Variants in ATOSA observed in about 807,000 individuals in gnomAD.
ATOSA encodes the protein atos homolog A, also known as atos homolog protein A.
chr15:52,594,384 G>A, the ATOSA span, among the ~76,000 whole-genome samples: 2 of 152,068 alleles, frequency 1.3e-5, no homozygotes, highest in South Asian at 4.1e-4. Context: ...AAAATTTAGT[G>A]GTTATTTTCC....
chr15:52,587,022 C>T, the ATOSA span: 1 of 1,546,044 alleles, frequency 6.5e-7, no homozygotes, highest in Non-Finnish European at 8.7e-7. Flanking sequence ...AGCAGGGGAA[C>T]TCCAAACAAA....
the ATOSA span, among the ~76,000 whole-genome samples, chr15:52,627,530 A>G: frequency 1.3e-5 from 2 of 152,138 alleles, no homozygotes; most frequent in Non-Finnish European, 2.9e-5. Context: ...GAAAGGCACT[A>G]GCACTTGTAG....
At chr15:52,605,960 T>C in the ATOSA span, among the ~76,000 whole-genome samples, 23 of 152,002 alleles carry the variant, frequency 1.5e-4, no homozygotes, top group Non-Finnish European at 2.9e-4. Context: ...TTAATGATAA[T>C]AATAAAATAC....
chr15:52,597,189 TATTCTATTCTATTCTATTCTATTCTATTC>T, the ATOSA span, among the ~76,000 whole-genome samples: 2 of 149,666 alleles, frequency 1.3e-5, no homozygotes, highest in African/African-American at 2.5e-5. Context: ...TATTCTATTC[TATTCTATTCTATTCTATTCTATTCTATTC>T]TATTCTATTC....
the ATOSA span, among the ~76,000 whole-genome samples, chr15:52,634,285 G>A: frequency 1.3e-5 from 2 of 152,154 alleles, no homozygotes; most frequent in East Asian, 3.9e-4. Flanking sequence ...ACAAAAATTA[G>A]TCAGGTATGG....
At chr15:52,672,633 C>A in the ATOSA span, among the ~76,000 whole-genome samples, 3 of 152,162 alleles carry the variant, frequency 2.0e-5, no homozygotes, top group Non-Finnish European at 4.4e-5. Flanking sequence ...TATAAATATT[C>A]TTTAACAACT....
At chr15:52,652,177 G>T in the ATOSA span, 1 of 832,054 alleles carries the variant, frequency 1.2e-6, no homozygotes, top group Non-Finnish European at 1.6e-6. Context: ...GCACTGTCAT[G>T]TTTTCTTTGC....
the ATOSA span, among the ~76,000 whole-genome samples, chr15:52,675,617 C>T: frequency 8.5e-3 from 1,287 of 152,270 alleles, 4 homozygotes; most frequent in Non-Finnish European, 0.015. Context: ...TTATAGAAAA[C>T]TTAGTGTTAG....
the ATOSA span, among the ~76,000 whole-genome samples, chr15:52,615,794 AT>A: frequency 6.6e-6 from 1 of 152,214 alleles, no homozygotes; most frequent in Non-Finnish European, 1.5e-5. Flanking sequence ...GACAGCTGAC[AT>A]TTGGTAACTT....
At chr15:52,592,600 G>C in the ATOSA span, among the ~76,000 whole-genome samples, 9,286 of 152,210 alleles carry the variant, frequency 0.061, 355 homozygotes, top group Middle Eastern at 0.13. Flanking sequence ...GGGCCACACT[G>C]GTAGAAGAAT....
the ATOSA span, among the ~76,000 whole-genome samples, chr15:52,597,148 T>C: frequency 6.7e-6 from 1 of 148,918 alleles, no homozygotes; most frequent in South Asian, 2.1e-4. Context: ...CTATTCTATT[T>C]TATTCTGTTC....
chr15:52,613,191 C>T, the ATOSA span, among the ~76,000 whole-genome samples: 5 of 152,126 alleles, frequency 3.3e-5, no homozygotes, highest in African/African-American at 1.2e-4. Context: ...TATGACAAAA[C>T]ACCGCCTCTA....
chr15:52,621,919 G>A, the ATOSA span, among the ~76,000 whole-genome samples: 5 of 150,876 alleles, frequency 3.3e-5, no homozygotes, highest in South Asian at 1.0e-3. Context: ...ACATGATCTC[G>A]ACTCACTGCA....
chr15:52,616,941 C>T, the ATOSA span, among the ~76,000 whole-genome samples: 4 of 152,222 alleles, frequency 2.6e-5, no homozygotes, highest in South Asian at 8.3e-4. Flanking sequence ...GCAATCAATT[C>T]CTTTAAGCTT....
At chr15:52,672,170 C>T in the ATOSA span, among the ~76,000 whole-genome samples, 2 of 11,070 alleles carry the variant, frequency 1.8e-4, no homozygotes, top group Non-Finnish European at 1.2e-3. Context: ...GACCCCATTT[C>T]TCAAAAAAAA....
the ATOSA span, among the ~76,000 whole-genome samples, chr15:52,583,593 C>A: frequency 2.0e-5 from 3 of 152,140 alleles, no homozygotes; most frequent in African/African-American, 7.2e-5. Context: ...ACCATGTTGG[C>A]CAGGCTGGTC....
the ATOSA span, among the ~76,000 whole-genome samples, chr15:52,653,345 G>A: frequency 6.6e-6 from 1 of 152,172 alleles, no homozygotes; most frequent in Non-Finnish European, 1.5e-5. Flanking sequence ...CCCTGAAGAA[G>A]CTTCTAGGAT....
the ATOSA span, among the ~76,000 whole-genome samples, chr15:52,593,967 AAC>A: frequency 6.6e-6 from 1 of 152,190 alleles, no homozygotes; most frequent in Non-Finnish European, 1.5e-5. Context: ...ACCATCCTAC[AAC>A]AGTTTGGTCT....
At chr15:52,633,572 A>G in the ATOSA span, among the ~76,000 whole-genome samples, 1 of 152,198 alleles carries the variant, frequency 6.6e-6, no homozygotes, top group Non-Finnish European at 1.5e-5. Context: ...AAGAGGAGAC[A>G]GTAGCACACA....
Sources: allele counts gnomAD v4.1 joint callset (sites outside exome capture counted in the v4.1 genomes callset), GRCh38; gene constraint gnomAD v4.1.1; transcripts MANE v1.5; gene names NCBI Gene and HGNC (gene_info 2026-07-23, HGNC 2026-07-21).